Variants in GALNTL6 observed in about 807,000 individuals in gnomAD.
GALNTL6 encodes the protein polypeptide N-acetylgalactosaminyltransferase-like 6.
In GALNTL6, 46 loss-of-function variants were observed where a neutral mutation model predicts 73.7. The ratio of observed to expected loss-of-function variants is 0.62; its 90% CI spans 0.49 to 0.80. GALNTL6 has a LOEUF of 0.80. Ranked by LOEUF, GALNTL6 falls within the 30% of genes least tolerant of loss-of-function variation. The pLI, the probability that GALNTL6 is intolerant of heterozygous loss-of-function variation, is 0.00. For missense variants in GALNTL6, 604 were observed against 755.0 expected (o/e 0.80, Z 2.34); for synonymous variants, 259 against 263.7 (o/e 0.98, Z 0.17).
intron 5 of GALNTL6, among the ~76,000 whole-genome samples, chr4:172,472,575 G>A (rs944074813): frequency 5.3e-5 from 8 of 152,050 alleles, no homozygotes; most frequent in Admixed American, 2.0e-4. Flanking sequence ...GCTGTAATTC[G>A]TTAGGATAAG....
At chr4:172,374,691 G>A (rs766112561) in intron 5 of GALNTL6, among the ~76,000 whole-genome samples, 1 of 152,176 alleles carries the variant, frequency 6.6e-6, no homozygotes, top group Non-Finnish European at 1.5e-5. Flanking sequence ...ATGGCTTGTT[G>A]ACCAGTAGAG....
intron 2 of GALNTL6, among the ~76,000 whole-genome samples, chr4:171,893,631 G>T (rs1451062074): frequency 2.0e-5 from 3 of 152,074 alleles, no homozygotes. Flanking sequence ...GCCACAGCTA[G>T]TTGGGATCCC....
chr4:172,537,363 C>G (rs960828951), intron 5 of GALNTL6, among the ~76,000 whole-genome samples: 2 of 152,158 alleles, frequency 1.3e-5, no homozygotes, highest in Non-Finnish European at 2.9e-5. Context: ...GTGGTTACCT[C>G]CATGCTGTTC....
At chr4:172,546,184 G>A (rs146740726) in intron 5 of GALNTL6, among the ~76,000 whole-genome samples, 8 of 152,152 alleles carry the variant, frequency 5.3e-5, no homozygotes, top group African/African-American at 9.6e-5. Context: ...ATTACCACTC[G>A]GGAGAGAAGA....
At chr4:172,847,821 A>G (rs1218036397) in intron 7 of GALNTL6, among the ~76,000 whole-genome samples, 1 of 152,192 alleles carries the variant, frequency 6.6e-6, no homozygotes, top group Non-Finnish European at 1.5e-5. Context: ...CCAAACTTAC[A>G]AGACATGAGG....
intron 2 of GALNTL6, among the ~76,000 whole-genome samples, chr4:171,839,677 G>A (rs1216183334): frequency 1.6e-5 from 2 of 128,828 alleles, no homozygotes; most frequent in Non-Finnish European, 3.4e-5. Flanking sequence ...CAGGATTGCA[G>A]CAAAAAAAAA....
At chr4:172,287,653 A>G (rs1739310607) in intron 3 of GALNTL6, among the ~76,000 whole-genome samples, 1 of 152,188 alleles carries the variant, frequency 6.6e-6, no homozygotes, top group Non-Finnish European at 1.5e-5. Flanking sequence ...CCAAAAAGAC[A>G]GGTAGATAAA....
chr4:172,306,519 G>A (rs1325579303), intron 3 of GALNTL6, among the ~76,000 whole-genome samples: 1 of 152,166 alleles, frequency 6.6e-6, no homozygotes, highest in Non-Finnish European at 1.5e-5. Context: ...TTGTTTACAT[G>A]GATAAATTTT....
intron 5 of GALNTL6, among the ~76,000 whole-genome samples, chr4:172,587,766 AGT>A: frequency 6.6e-6 from 1 of 152,072 alleles, no homozygotes; most frequent in African/African-American, 2.4e-5. Flanking sequence ...CCACTAGACT[AGT>A]GTGTGTGTCT....
chr4:172,245,559 G>A (rs1737630021), intron 3 of GALNTL6, among the ~76,000 whole-genome samples: 1 of 152,140 alleles, frequency 6.6e-6, no homozygotes, highest in African/African-American at 2.4e-5. Flanking sequence ...TGTTAATGCT[G>A]TATTTACAGA....
chr4:172,899,445 T>C (rs1478248010), intron 8 of GALNTL6, among the ~76,000 whole-genome samples: 1 of 151,706 alleles, frequency 6.6e-6, no homozygotes, highest in East Asian at 1.9e-4. Flanking sequence ...GATGCATTTT[T>C]AGAAATCTTT....
chr4:172,482,238 C>A (rs1733514489), intron 5 of GALNTL6, among the ~76,000 whole-genome samples: 1 of 152,208 alleles, frequency 6.6e-6, no homozygotes, highest in Admixed American at 6.5e-5. Context: ...AGCCCTGATT[C>A]CCACCTGCGC....
intron 5 of GALNTL6, among the ~76,000 whole-genome samples, chr4:172,580,656 G>T (rs1405706934): frequency 1.3e-5 from 2 of 152,118 alleles, no homozygotes; most frequent in African/African-American, 4.8e-5. Context: ...TAGCCCCCCA[G>T]AATAATTCAG....
intron 2 of GALNTL6, among the ~76,000 whole-genome samples, chr4:171,925,147 C>G (rs1468973848): frequency 2.6e-5 from 4 of 152,080 alleles, no homozygotes; most frequent in Non-Finnish European, 5.9e-5. Flanking sequence ...GCATAGAGCT[C>G]CTGGTAAAGG....
At chr4:172,401,968 G>A (rs1444580530) in intron 5 of GALNTL6, among the ~76,000 whole-genome samples, 1 of 151,192 alleles carries the variant, frequency 6.6e-6, no homozygotes, top group Non-Finnish European at 1.5e-5. Flanking sequence ...GAGAGAGAGA[G>A]AGAGAGAGAG....
At chr4:172,275,426 C>T (rs919300968) in intron 3 of GALNTL6, among the ~76,000 whole-genome samples, 1 of 152,114 alleles carries the variant, frequency 6.6e-6, no homozygotes, top group Admixed American at 6.5e-5. Flanking sequence ...CACTTATTAA[C>T]TGGGTGAACT....
At chr4:172,676,825 C>T (rs1732329405) in intron 5 of GALNTL6, among the ~76,000 whole-genome samples, 1 of 152,212 alleles carries the variant, frequency 6.6e-6, no homozygotes. Context: ...CTGCTAGCTT[C>T]AGAAATAGGC....
intron 10 of GALNTL6, among the ~76,000 whole-genome samples, chr4:172,987,652 T>G (rs577361417): frequency 1.3e-5 from 2 of 152,104 alleles, no homozygotes; most frequent in Non-Finnish European, 2.9e-5. Flanking sequence ...GGAGAAGAGG[T>G]CTGGTGGGAA....
chr4:172,849,331 A>G (rs1743686904), intron 7 of GALNTL6, among the ~76,000 whole-genome samples: 1 of 152,170 alleles, frequency 6.6e-6, no homozygotes, highest in South Asian at 2.1e-4. Context: ...TTGAAGGTGC[A>G]CCTCAGAAAA....
Sources: allele counts gnomAD v4.1 joint callset (sites outside exome capture counted in the v4.1 genomes callset), GRCh38; gene constraint gnomAD v4.1.1; transcripts MANE v1.5; gene names NCBI Gene and HGNC (gene_info 2026-07-23, HGNC 2026-07-21).